PRDM13: variants seen among roughly 807,000 people sequenced by gnomAD.
PRDM13 encodes the protein PR/SET domain 13, also known as PR domain zinc finger protein 13.
Under a neutral mutation model 36.4 loss-of-function variants are expected in PRDM13, and 15 were observed. The ratio of observed to expected loss-of-function variants is 0.41; its 90% CI spans 0.28 to 0.64. The LOEUF (loss-of-function observed/expected upper bound fraction) is 0.64. Among genes scored for constraint, PRDM13 ranks in the 30% least tolerant of loss-of-function variants. PRDM13 has a pLI of 0.29. For synonymous variants in PRDM13, 531 were observed against 467.7 expected (o/e 1.14, Z -1.75); for missense variants, 1,044 against 1,013.5 (o/e 1.03, Z -0.41).
rs754296408 is a variant in PRDM13 at position 99,607,101 on chromosome 6, C to G, written c.67C>G (p.Arg23Gly). The G allele has an allele frequency of 6.2e-7, 1 of 1,613,660 alleles. No individual in the cohort carries two copies. Among genetic ancestry groups the G allele is most frequent in the Non-Finnish European group, 8.5e-7 (1 of 1,179,974 alleles). Reference protein sequence around the residue: ...SADCCIPAGLRLGPVPGTFKL... With the variant: ...SADCCIPAGLGLGPVPGTFKL... The stretch of plus-strand genomic sequence containing the variant: ...CGACTGCTGCATCCCGGCCGGCTTG[C>G]GCCTCGGACCGGTGCCTGGTACCTT... The change falls in exon 1 of 4, where the codon CGC becomes GGC. Residue 23 changes from arginine (R) to glycine (G), a missense_variant. Arg to Gly is a moderately radical substitution (Grantham distance 125). Around this residue, in one of 3 missense-constraint regions of PRDM13, gnomAD observed 921 missense variants for 865.2 expected, o/e 1.06. Coordinates refer to ENST00000369215, the MANE Select transcript of PRDM13 (RefSeq NM_021620.4).
In PRDM13 at chr6:99,615,264, G is replaced by A. The variant is rs1399712112; in HGVS notation, c.*505G>A. The A allele has an allele frequency of 6.3e-6, 1 of 159,854 alleles. No homozygotes were observed. Among genetic ancestry groups the A allele is most frequent in the Non-Finnish European group, 1.4e-5 (1 of 72,766 alleles). The allele number at this position is 159,854 out of a possible 1,614,324, so 9.9% of individuals were successfully genotyped here. Reference sequence around the variant, plus strand: ...GGGTAGATGTGACATCCATATACTTGTTTACATTTTATCTGTTCTCATGTC... The same window carrying A: ...GGGTAGATGTGACATCCATATACTTATTTACATTTTATCTGTTCTCATGTC... On this transcript the variant is annotated 3_prime_UTR_variant, in exon 4 of 4. Coordinates refer to ENST00000369215, the MANE Select transcript of PRDM13 (RefSeq NM_021620.4).
chr6:99,613,167 C>T lies in PRDM13; in HGVS notation c.532C>T (p.Arg178Cys). The T allele has an allele frequency of 6.2e-7, 1 of 1,612,866 alleles. No homozygotes were observed. The highest frequency in any genetic ancestry group is 8.5e-7 in the Non-Finnish European group (1 of 1,179,872). Reference protein sequence around the residue: ...GAFLHHEHAARQGAVPAADGL... With the variant: ...GAFLHHEHAACQGAVPAADGL... ...CTTCCTGCACCACGAACACGCGGCT[C>T]GCCAAGGCGCCGTCCCAGCGGCTGA... The change falls in exon 4 of 4, where the codon CGC (arginine) becomes TGC (cysteine). Residue 178 changes from arginine to cysteine, a missense_variant. Physicochemically the swap from Arg to Cys is radical, Grantham distance 180. Coordinates refer to ENST00000369215, the MANE Select transcript of PRDM13 (RefSeq NM_021620.4). This position sits in a 1 kb window ranked among gnomAD's most constrained non-coding sequence, Gnocchi z 6.1.
Position 99,614,780 on chromosome 6 carries a change from C to T in PRDM13, c.*21C>T. 6.4e-7 allele frequency: 1 copy of T among 1,551,252 alleles called. No individual in the cohort carries two copies. Among genetic ancestry groups the T allele is most frequent in the Non-Finnish European group, 8.7e-7 (1 of 1,150,786 alleles). On this transcript the variant is annotated 3_prime_UTR_variant, in exon 4 of 4. Coordinates refer to ENST00000369215, the MANE Select transcript of PRDM13 (RefSeq NM_021620.4). ...TGTAACGAGTCTTCCCGGGAAGGGG[C>T]GGGGTGAGGACAGAGAGGAGTCGAG...
chr6:99,613,273 T>A lies in PRDM13; in HGVS notation c.638T>A (p.Leu213Gln). 1 of 1,595,480 alleles carries A rather than the reference T, an allele frequency of 6.3e-7. No homozygotes were observed. Among genetic ancestry groups the A allele is most frequent in the Non-Finnish European group, 8.5e-7 (1 of 1,172,576 alleles). Residue 213 changes from leucine (L) to glutamine (Q), a missense_variant, in exon 4 of 4, where the codon CTG (leucine) becomes CAG (glutamine). Physicochemically the swap from Leu to Gln is moderately radical, Grantham distance 113. Transcript: ENST00000369215. The surrounding 1 kb of genome is among the most constrained non-coding windows in gnomAD (Gnocchi z 6.1). ...GCAGGAACTTTGCGACCCCACCCCC[T>A]GGGCCCGCCACCAGTTCAGGCCTGC... ...SQAGTLRPHP[L>Q]GPPPVQACGA...
chr6:99,611,017 T>C (rs1770023353), intron 3 of PRDM13, among the ~76,000 whole-genome samples: 1 of 152,124 alleles, frequency 6.6e-6, no homozygotes, highest in Non-Finnish European at 1.5e-5. Flanking sequence ...TTGACCACCT[T>C]AGAGTTACAT....
rs546224169 is a variant in PRDM13 at position 99,614,627 on chromosome 6, C to T, written c.1992C>T (p.Asp664=). The change falls in exon 4 of 4, where the codon GAC becomes GAT. Residue 664 remains aspartate, a synonymous_variant. Coordinates refer to ENST00000369215, the MANE Select transcript of PRDM13 (RefSeq NM_021620.4). ...AGAGTCTGCTCGCCAAAGCGGGCGA[C>T]GGCCCGGGTGCCGAGCCCGGCTATC... The part of the protein sequence containing the change: ...PGQSLLAKAG[D]GPGAEPGYPP... 3 of 1,612,420 alleles carry T rather than the reference C, an allele frequency of 1.9e-6. No homozygotes were observed. The South Asian group carries it at 3.3e-5, about 18-fold the overall frequency.
chr6:99,613,434 G>C lies in PRDM13; in HGVS notation c.799G>C (p.Gly267Arg). The change falls in exon 4 of 4, where the codon GGA (glycine) becomes CGA (arginine). Residue 267 changes from glycine to arginine, a missense_variant. Gly to Arg is a moderately radical substitution (Grantham distance 125). Coordinates refer to ENST00000369215, the MANE Select transcript of PRDM13 (RefSeq NM_021620.4). This position sits in a 1 kb window ranked among gnomAD's most constrained non-coding sequence, Gnocchi z 6.1. Reference sequence around the variant, plus strand: ...CCTGGACATGAGCGGAGCCGCCCGAGGACAAGGGCACTTCCTCGGCATCGT... The same window carrying C: ...CCTGGACATGAGCGGAGCCGCCCGACGACAAGGGCACTTCCTCGGCATCGT... ...RALDMSGAAR[G>R]QGHFLGIVGG... 2 of 1,548,892 alleles carry C rather than the reference G, an allele frequency of 1.3e-6. No homozygotes were observed. Among genetic ancestry groups the C allele is most frequent in the Non-Finnish European group, 1.7e-6 (2 of 1,155,536 alleles).
At chr6:99,612,955 C>T (rs1583615824) in intron 3 of PRDM13, 78 bp from the exon 4 acceptor site, 1 of 1,570,684 alleles carries the variant, frequency 6.4e-7, no homozygotes, top group East Asian at 2.3e-5. Context: ...TGGGCTTTGC[C>T]TTGGGTGCAC....
rs1255012017 is a variant in PRDM13, at chr6:99,613,798, G to A, written c.1163G>A (p.Gly388Asp). 45 of 1,508,140 alleles carry A rather than the reference G, an allele frequency of 3.0e-5. No individual in the cohort carries two copies. Among genetic ancestry groups the A allele is most frequent in the African/African-American group, 5.8e-5 (4 of 69,058 alleles). 93.4% of individuals were successfully genotyped at this position (1,508,140 alleles called of 1,614,324 possible). A position where few individuals can be genotyped will look rare whatever the true frequency, so the allele number is the denominator to read the frequency against. ...PGLPCSGALRGFPLLSVPPEE... is the reference protein window; with the variant it reads ...PGLPCSGALRDFPLLSVPPEE... ...CTGCCCTGCTCTGGGGCCCTGCGCG[G>A]CTTCCCTCTGCTCTCCGTCCCCCCG... Residue 388 changes from glycine to aspartate, a missense_variant, in exon 4 of 4, where the codon GGC becomes GAC. Coordinates refer to ENST00000369215, the MANE Select transcript of PRDM13 (RefSeq NM_021620.4). The surrounding 1 kb of genome is among the most constrained non-coding windows in gnomAD (Gnocchi z 6.1).
rs1770115855 is a variant in PRDM13, at chr6:99,615,361, A to T, written c.*602A>T. On this transcript the variant is annotated 3_prime_UTR_variant, in exon 4 of 4. Coordinates refer to ENST00000369215, the MANE Select transcript of PRDM13 (RefSeq NM_021620.4). ...CAAATTGGTCAAGTTGCAATTATTT[A>T]TGAGAAAATAATGATAAATGTAAAA... 6.5e-6 allele frequency: 1 copy of T among 152,870 alleles called. No individual in the cohort carries two copies. Among genetic ancestry groups the T allele is most frequent in the Admixed American group, 6.5e-5 (1 of 15,306 alleles). The allele number at this position is 152,870 out of a possible 1,614,324, so 9.5% of individuals were successfully genotyped here.
intron 3 of PRDM13, among the ~76,000 whole-genome samples, 192 bp from the exon 4 acceptor site, chr6:99,612,841 G>C (rs927947330): frequency 2.0e-5 from 3 of 152,296 alleles, no homozygotes; most frequent in African/African-American, 4.8e-5. Context: ...CCAGAGGATG[G>C]AGACACTGAT....
In PRDM13 at chr6:99,613,863, C is replaced by G. The variant is rs1251537851; in HGVS notation, c.1228C>G (p.Pro410Ala). 6.6e-7 allele frequency: 1 copy of G among 1,508,928 alleles called. No homozygotes were observed. The highest frequency in any genetic ancestry group is 8.8e-7 in the Non-Finnish European group (1 of 1,135,866). 93.5% of individuals were successfully genotyped at this position (1,508,928 alleles called of 1,614,324 possible). A position where few individuals can be genotyped will look rare whatever the true frequency, so the allele number is the denominator to read the frequency against. ...CTTCAAGCACGTGGAGCGCGCCCCG[C>G]CCGCAGCCGCCGCGCTGCCAGGAGC... ...SAFKHVERAP[P>A]AAAALPGARY... Residue 410 changes from proline to alanine, a missense_variant, in exon 4 of 4, where the codon CCC becomes GCC. Physicochemically the swap from Pro to Ala is conservative, Grantham distance 27. Transcript: ENST00000369215. The surrounding 1 kb of genome is among the most constrained non-coding windows in gnomAD (Gnocchi z 6.1).
chr6:99,606,898 C>T lies in PRDM13; in HGVS notation c.-137C>T. On this transcript the variant is annotated 5_prime_UTR_variant, in exon 1 of 4. Transcript: ENST00000369215. ...CCCGATTGAAAAGGCGCAGTGCATG[C>T]CCGCCCGCGTCACTCCGCGGGCGGA... 1.6e-6 allele frequency: 2 copies of T among 1,218,924 alleles called. No homozygotes were observed. The highest frequency in any genetic ancestry group is 1.1e-6 in the Non-Finnish European group (1 of 908,504). 75.5% of individuals were successfully genotyped at this position (1,218,924 alleles called of 1,614,324 possible).
At chr6:99,607,298 G>A in intron 1 of PRDM13, 120 bp downstream of exon 1, 11 of 1,379,930 alleles carry the variant, frequency 8.0e-6, no homozygotes, top group Non-Finnish European at 1.1e-5. Flanking sequence ...TAATTCTGCC[G>A]GGTGGAAGGG....
chr6:99,606,864 G>A lies in PRDM13; in HGVS notation c.-171G>A. On this transcript the variant is annotated 5_prime_UTR_variant, in exon 1 of 4. Transcript: ENST00000369215. ...CGCCCTTGCGCTAGCGGTGCCAAAA[G>A]GCTCCCGCCCCGATTGAAAAGGCGC... The A allele has an allele frequency of 1.1e-6, 1 of 884,392 alleles. No homozygotes were observed. Among genetic ancestry groups the A allele is most frequent in the South Asian group, 2.1e-5 (1 of 48,288 alleles). The allele number at this position is 884,392 out of a possible 1,614,324, so 54.8% of individuals were successfully genotyped here.
rs1770073599 is a variant in PRDM13 at position 99,613,688 on chromosome 6, TCACCACCATCACCACCACGCGCACCAC to T, written c.1064_1090del (p.His355_His363del). On this transcript the variant is annotated inframe_deletion, in exon 4 of 4. Coordinates refer to ENST00000369215, the MANE Select transcript of PRDM13 (RefSeq NM_021620.4). The surrounding 1 kb of genome is among the most constrained non-coding windows in gnomAD (Gnocchi z 6.1). ...AGAACTCGGCGGCGGGCGGCGCGGGTCACCACCATCACCACCACGCGCACCACCACCACCATCCCAAGTGCCTGCTCG... is the reference window on the plus strand; with the variant it reads ...AGAACTCGGCGGCGGGCGGCGCGGGTCACCACCATCCCAAGTGCCTGCTCG... 10 of 1,421,640 alleles carry T rather than the reference TCACCACCATCACCACCACGCGCACCAC, an allele frequency of 7.0e-6. No homozygotes were observed. Among genetic ancestry groups the T allele is most frequent in the South Asian group, 1.4e-5 (1 of 69,700 alleles). 88.1% of individuals were successfully genotyped at this position (1,421,640 alleles called of 1,614,324 possible).
In PRDM13 at chr6:99,606,931, C is replaced by T. The variant is rs562240469; in HGVS notation, c.-104C>T. 9 of 1,388,778 alleles carry T rather than the reference C, an allele frequency of 6.5e-6. No individual in the cohort carries two copies. In the South Asian group the frequency reaches 9.2e-5, roughly 14 times the overall value. The allele number at this position is 1,388,778 out of a possible 1,614,324, so 86.0% of individuals were successfully genotyped here. The stretch of plus-strand genomic sequence containing the variant: ...CGTCACTCCGCGGGCGGAGGACGCA[C>T]GTCGGGGCGCGGCTCTCTGGCTAGC... On this transcript the variant is annotated 5_prime_UTR_variant, in exon 1 of 4. The change creates a new upstream start codon in the 5' untranslated region. Transcript: ENST00000369215.
rs554149070 is a variant in PRDM13, at chr6:99,613,485, A to G, written c.850A>G (p.Ser284Gly). 12 of 1,529,644 alleles carry G rather than the reference A, an allele frequency of 7.8e-6. No individual in the cohort carries two copies. Among genetic ancestry groups the G allele is most frequent in the Non-Finnish European group, 1.0e-5 (12 of 1,146,896 alleles). The allele number at this position is 1,529,644 out of a possible 1,614,324, so 94.8% of individuals were successfully genotyped here. A position where few individuals can be genotyped will look rare whatever the true frequency, so the allele number is the denominator to read the frequency against. ...GGGCGGCTCCTCGGCGGGGGTCGGC[A>G]GCCTGGCTTTCTACCCCGGCGTGCG... The part of the protein sequence containing the change: ...IVGGSSAGVG[S>G]LAFYPGVRSA... Residue 284 changes from serine to glycine, a missense_variant, in exon 4 of 4, where the codon AGC becomes GGC. Coordinates refer to ENST00000369215, the MANE Select transcript of PRDM13 (RefSeq NM_021620.4). This position sits in a 1 kb window ranked among gnomAD's most constrained non-coding sequence, Gnocchi z 6.1.
At chr6:99,609,010 A>G in intron 2 of PRDM13, 138 bp downstream of exon 2, 1 of 1,405,150 alleles carries the variant, frequency 7.1e-7, no homozygotes, top group Non-Finnish European at 9.6e-7. Context: ...ACAACCCTTT[A>G]AGGTAGTTAC....
Sources: gnomAD v4.1 joint callset for allele counts (sites outside exome capture counted in the v4.1 genomes callset) on GRCh38, gnomAD v4.1.1 for gene constraint, gnomAD v4.1.1 regional missense constraint, Gnocchi (gnomAD v3.1) non-coding constraint, MANE v1.5 for transcripts, NCBI Gene and HGNC (gene_info 2026-07-23, HGNC 2026-07-21) for gene names.